KRABD3: variants seen among roughly 807,000 people sequenced by gnomAD.
The protein encoded by KRABD3 is KRAB domain containing 3.
the KRABD3 span, chr7:149,719,488 A>G: frequency 1.3e-6 from 2 of 1,512,080 alleles, no homozygotes; most frequent in Non-Finnish European, 1.8e-6. This position sits in a 1 kb window ranked among gnomAD's most constrained non-coding sequence, Gnocchi z 5.6. Flanking sequence ...GTGCAGGGAC[A>G]GCTAGGCTGT....
At chr7:149,717,771 C>T in the KRABD3 span, among the ~76,000 whole-genome samples, 5 of 152,194 alleles carry the variant, frequency 3.3e-5, no homozygotes, top group Middle Eastern at 3.2e-3. Context: ...TCAGGGAGAA[C>T]AGGCAGAGAG....
chr7:149,732,510 G>T, the KRABD3 span, among the ~76,000 whole-genome samples: 1 of 152,202 alleles, frequency 6.6e-6, no homozygotes, highest in South Asian at 2.1e-4. The surrounding 1 kb of genome is among the most constrained non-coding windows in gnomAD (Gnocchi z 4.0). Context: ...GCCTGGGGCT[G>T]AACAGGTTAG....
the KRABD3 span, chr7:149,725,562 G>T: frequency 7.1e-7 from 1 of 1,414,028 alleles, no homozygotes; most frequent in Non-Finnish European, 9.4e-7. Context: ...AGGACTGTCG[G>T]GTCATTGTGT....
At chr7:149,730,726 C>T in the KRABD3 span, 64 of 980,258 alleles carry the variant, frequency 6.5e-5, no homozygotes, top group Non-Finnish European at 8.3e-5. Flanking sequence ...GAGCTGTGTC[C>T]GAGAAGGAGG....
the KRABD3 span, chr7:149,722,626 C>A: frequency 6.6e-7 from 1 of 1,523,532 alleles, no homozygotes; most frequent in Non-Finnish European, 9.0e-7. Flanking sequence ...GGTCATGCTG[C>A]TCCGCCGCCT....
the KRABD3 span, chr7:149,715,191 C>T: frequency 9.0e-6 from 11 of 1,222,442 alleles, no homozygotes; most frequent in Non-Finnish European, 1.1e-5. Context: ...GCCTGATGCT[C>T]AGGGGTTCGT....
chr7:149,717,522 A>T, the KRABD3 span, among the ~76,000 whole-genome samples: 2 of 152,350 alleles, frequency 1.3e-5, no homozygotes, highest in African/African-American at 4.8e-5. Flanking sequence ...GGTGTCTGAG[A>T]CTGTTCCTGA....
chr7:149,725,812 C>T, the KRABD3 span: 2 of 1,361,182 alleles, frequency 1.5e-6, no homozygotes, highest in Non-Finnish European at 9.8e-7. Flanking sequence ...TCTTCTGGTG[C>T]CCGTGCACCC....
the KRABD3 span, among the ~76,000 whole-genome samples, chr7:149,723,383 G>A: frequency 7.9e-5 from 12 of 152,236 alleles, no homozygotes; most frequent in Non-Finnish European, 1.6e-4. Flanking sequence ...GCCGCAGTGA[G>A]CTTAGCTGCA....
chr7:149,719,748 G>A, the KRABD3 span: 21 of 1,502,544 alleles, frequency 1.4e-5, no homozygotes, highest in Admixed American at 1.4e-4. The surrounding 1 kb of genome is among the most constrained non-coding windows in gnomAD (Gnocchi z 5.6). Flanking sequence ...CCCTGGACCC[G>A]GCAGCCTTAG....
the KRABD3 span, chr7:149,719,566 C>T: frequency 6.3e-6 from 10 of 1,596,888 alleles, no homozygotes; most frequent in African/African-American, 1.3e-5. This position sits in a 1 kb window ranked among gnomAD's most constrained non-coding sequence, Gnocchi z 5.6. Flanking sequence ...CCTTCAAGGA[C>T]TTGGCCGTGC....
chr7:149,719,681 G>A, the KRABD3 span: 11 of 1,602,316 alleles, frequency 6.9e-6, no homozygotes, highest in African/African-American at 8.1e-5. This position sits in a 1 kb window ranked among gnomAD's most constrained non-coding sequence, Gnocchi z 5.6. Flanking sequence ...GGGTAAGGAC[G>A]GGAGGGAGCA....
chr7:149,734,035 G>A, the KRABD3 span: 2 of 1,604,860 alleles, frequency 1.2e-6, no homozygotes, highest in Non-Finnish European at 1.7e-6. Context: ...ACCCGAGATG[G>A]GGGGCGCATT....
chr7:149,722,701 C>T, the KRABD3 span: 1 of 1,520,654 alleles, frequency 6.6e-7, no homozygotes, highest in Admixed American at 2.0e-5. Context: ...ATCTCAGCCG[C>T]CCGGAGACCT....
At chr7:149,721,507 C>A in the KRABD3 span, 1 of 1,612,210 alleles carries the variant, frequency 6.2e-7, no homozygotes, top group Non-Finnish European at 8.5e-7. Context: ...CAACTGGTGA[C>A]GGGGTCCAGG....
the KRABD3 span, chr7:149,729,941 C>G: frequency 2.3e-6 from 3 of 1,277,910 alleles, no homozygotes; most frequent in Admixed American, 3.8e-5. Context: ...AGCAGACTTT[C>G]CAAAGCTGCT....
the KRABD3 span, among the ~76,000 whole-genome samples, chr7:149,720,403 T>C: frequency 1.3e-5 from 2 of 152,180 alleles, no homozygotes; most frequent in African/African-American, 4.8e-5. Flanking sequence ...CTGCAGAACC[T>C]GCTCCAGCTC....
chr7:149,718,306 T>A, the KRABD3 span, among the ~76,000 whole-genome samples: 1 of 152,168 alleles, frequency 6.6e-6, no homozygotes, highest in Non-Finnish European at 1.5e-5. Context: ...GTCTTTGCTT[T>A]ATTAGGGGCG....
the KRABD3 span, chr7:149,729,405 C>A: frequency 7.2e-7 from 1 of 1,383,800 alleles, no homozygotes. Context: ...CTGACAGCCC[C>A]ACTTCAGTTA....
Sources: gnomAD v4.1 joint callset for allele counts (sites outside exome capture counted in the v4.1 genomes callset) on GRCh38, gnomAD v4.1.1 for gene constraint, Gnocchi (gnomAD v3.1) non-coding constraint, MANE v1.5 for transcripts, NCBI Gene and HGNC (gene_info 2026-07-23, HGNC 2026-07-21) for gene names.